The following NLRP11 variants were observed in gnomAD, a reference collection of about 807,000 sequenced individuals.
The protein encoded by NLRP11 is NACHT, LRR and PYD domains-containing protein 11.
Under a neutral mutation model 79.3 loss-of-function variants are expected in NLRP11, and 53 were observed. The ratio of observed to expected loss-of-function variants is 0.67; its 90% CI spans 0.54 to 0.84. NLRP11 has a LOEUF of 0.84. NLRP11 is among the 40% of genes least tolerant of loss of function. NLRP11 has a pLI of 0.00. For synonymous variants in NLRP11, 518 were observed against 462.6 expected (o/e 1.12, Z -1.54); for missense variants, 1,264 against 1,255.0 (o/e 1.01, Z -0.11).
chr19:55,793,800 G>C (rs1316127137), intron 6 of NLRP11, among the ~76,000 whole-genome samples: 1 of 152,072 alleles, frequency 6.6e-6, no homozygotes, highest in Non-Finnish European at 1.5e-5. Flanking sequence ...AATGGGCTAG[G>C]TTTTCCTTTG....
chr19:55,819,902 A>C (rs534002321), intron 1 of NLRP11, among the ~76,000 whole-genome samples: 1 of 152,168 alleles, frequency 6.6e-6, no homozygotes, highest in South Asian at 2.1e-4. Flanking sequence ...TGCAGACCTC[A>C]TATACCAGGT....
rs753506972 is a variant in NLRP11 at position 55,808,031 on chromosome 19, T to G, written c.1842-17A>C. The G allele has an allele frequency of 1.3e-6, 2 of 1,559,786 alleles. No homozygotes were observed. The highest frequency in any genetic ancestry group is 4.0e-5 in the Admixed American group (2 of 49,406). ...TTCATTTGACTACATAGAAGAAAAATTGAGTTTTCCAATGGAATCGATTCA... is the reference window on the plus strand; with the variant it reads ...TTCATTTGACTACATAGAAGAAAAAGTGAGTTTTCCAATGGAATCGATTCA... On this transcript the variant is annotated splice_polypyrimidine_tract_variant and intron_variant, in intron 3 of 9. Transcript: ENST00000589093.
intron 5 of NLRP11, among the ~76,000 whole-genome samples, chr19:55,800,064 A>G (rs1363003468): frequency 6.6e-6 from 1 of 152,202 alleles, no homozygotes; most frequent in African/African-American, 2.4e-5. Flanking sequence ...AGTAGGATTA[A>G]AGGGTGGGAA....
chr19:55,789,438 G>A (rs759681124), intron 7 of NLRP11, 39 bp from the exon 8 acceptor site: 98 of 1,563,800 alleles, frequency 6.3e-5, no homozygotes, highest in Non-Finnish European at 7.9e-5. Flanking sequence ...ATGACCACCT[G>A]TCTCCAAAGA....
chr19:55,836,166 G>A (rs763310934), upstream of NLRP11, among the ~76,000 whole-genome samples: 3 of 152,216 alleles, frequency 2.0e-5, no homozygotes, highest in African/African-American at 4.8e-5. Context: ...GTTTAGTTAC[G>A]GCAGAAAGAT....
chr19:55,823,161 C>T (rs1481382958), intron 1 of NLRP11, among the ~76,000 whole-genome samples: 2 of 146,412 alleles, frequency 1.4e-5, no homozygotes, highest in Admixed American at 1.4e-4. Flanking sequence ...ACACTGACAC[C>T]TCACACGGCA....
At chr19:55,808,569 A>G (rs1980238243) in intron 3 of NLRP11, among the ~76,000 whole-genome samples, 200 bp downstream of exon 3, 2 of 152,166 alleles carry the variant, frequency 1.3e-5, no homozygotes, top group Admixed American at 1.3e-4. Flanking sequence ...CTGGCCCAAA[A>G]CTTCAACAGT....
intron 1 of NLRP11, among the ~76,000 whole-genome samples, chr19:55,820,539 T>G (rs2112827): frequency 0.24 from 35,860 of 152,016 alleles, 5,364 homozygotes; most frequent in African/African-American, 0.42. Context: ...ATCGCACCCT[T>G]TGAGTTCCTA....
intron 2 of NLRP11, among the ~76,000 whole-genome samples, chr19:55,815,458 G>A (rs531219521): frequency 6.6e-6 from 1 of 151,046 alleles, no homozygotes; most frequent in Admixed American, 6.6e-5. Flanking sequence ...GAACCTAGGA[G>A]GTGGAGGTTG....
At chr19:55,817,945 C>A (rs756060414) in exon 2 of NLRP11, 1 of 1,613,212 alleles carries the variant, frequency 6.2e-7, no homozygotes, top group Non-Finnish European at 8.5e-7. Flanking sequence ...ATCTTCCTTA[C>A]GCATCATTGA....
In NLRP11 at chr19:55,789,390, G is replaced by C. The variant is rs144599883; in HGVS notation, c.2523C>G (p.Gly841=). 1.6e-4 allele frequency: 259 copies of C among 1,611,108 alleles called. No individual in the cohort carries two copies. In the African/African-American group the frequency reaches 2.9e-3, roughly 18 times the overall value. The stretch of plus-strand genomic sequence containing the variant: ...GACAGATATCGCTGCTAAAGAAACA[G>C]CCAGACAGACTGCAAAACAGAAACA... The change falls in exon 8 of 10, where the codon GGC becomes GGG. Residue 841 remains glycine, a synonymous_variant. Coordinates refer to ENST00000589093, the Ensembl canonical transcript of NLRP11.
chr19:55,785,699 A>G, exon 10 of NLRP11: 6 of 1,613,634 alleles, frequency 3.7e-6, no homozygotes, highest in South Asian at 2.2e-5. Context: ...AAAAACATGT[A>G]ATCCAAATTA....
chr19:55,810,920 G>T (rs1283775439), intron 2 of NLRP11, among the ~76,000 whole-genome samples: 1 of 152,194 alleles, frequency 6.6e-6, no homozygotes, highest in African/African-American at 2.4e-5. Context: ...TTGGCATCAA[G>T]AACATATTTC....
chr19:55,802,063 C>A (rs553007291), intron 4 of NLRP11, among the ~76,000 whole-genome samples: 1 of 152,218 alleles, frequency 6.6e-6, no homozygotes, highest in East Asian at 1.9e-4. Flanking sequence ...CAAGTTTAAC[C>A]ATGTTTTTCT....
intron 2 of NLRP11, among the ~76,000 whole-genome samples, chr19:55,814,931 C>T (rs1980944275): frequency 6.6e-6 from 1 of 152,072 alleles, no homozygotes; most frequent in South Asian, 2.1e-4. Flanking sequence ...AGCAAGAGTC[C>T]CCACGGATTG....
chr19:55,796,819 G>A (rs549204438), intron 5 of NLRP11, among the ~76,000 whole-genome samples: 1 of 152,024 alleles, frequency 6.6e-6, no homozygotes, highest in African/African-American at 2.4e-5. Flanking sequence ...CTCCCGAGTA[G>A]CTGGGATTAC....
Position 55,789,525 on chromosome 19 carries a change from G to C in NLRP11, c.2514-126C>G, listed in dbSNP as rs1990112697. The C allele has an allele frequency of 1.3e-5, 11 of 832,824 alleles. No homozygotes were observed. In the South Asian group the frequency reaches 1.9e-4, roughly 14 times the overall value. The allele number at this position is 832,824 out of a possible 1,614,324, so 51.6% of individuals were successfully genotyped here. Reference sequence around the variant, plus strand: ...AATAAGGGACTGCTTACAGAAACAAGAGCAGTGTTAACATCTACAGGTCAC... The same window carrying C: ...AATAAGGGACTGCTTACAGAAACAACAGCAGTGTTAACATCTACAGGTCAC... On this transcript the variant is annotated intron_variant, in intron 7 of 9. Transcript: ENST00000589093.
At chr19:55,821,250 C>CACACCCA (rs1407880955) in intron 1 of NLRP11, among the ~76,000 whole-genome samples, 5 of 102,494 alleles carry the variant, frequency 4.9e-5, no homozygotes, top group African/African-American at 1.7e-4. Context: ...CACACACACA[C>CACACCCA]CCCAAGCACT....
At chr19:55,818,360 G>T in intron 1 of NLRP11, 124 bp from the exon 2 acceptor site, 1 of 586,514 alleles carries the variant, frequency 1.7e-6, no homozygotes, top group Non-Finnish European at 3.0e-6. Flanking sequence ...TCAACGATAA[G>T]TCTGAACTCT....
Sources: allele counts gnomAD v4.1 joint callset (sites outside exome capture counted in the v4.1 genomes callset), GRCh38; gene constraint gnomAD v4.1.1; transcripts MANE v1.5; gene names NCBI Gene and HGNC (gene_info 2026-07-23, HGNC 2026-07-21).